Variants in COL8A1 observed in about 807,000 individuals in gnomAD.
COL8A1 encodes the protein collagen type VIII alpha 1 chain.
COL8A1 carries 21 observed loss-of-function variants against 42.7 expected under a neutral mutation model. The observed-to-expected ratio is 0.49, with a 90% confidence interval of 0.35 to 0.71. COL8A1 has a LOEUF of 0.71. COL8A1 is among the 30% of genes least tolerant of loss of function. The pLI, the probability that COL8A1 is intolerant of heterozygous loss-of-function variation, is 0.01. For synonymous variants in COL8A1, 367 were observed against 369.1 expected, an observed-to-expected ratio of 0.99 and a Z score of 0.06; for missense variants, 788 against 962.4, an observed-to-expected ratio of 0.82 and a Z score of 2.40.
In COL8A1 at chr3:99,794,958, C is replaced by T. The variant is rs1159741289; in HGVS notation, c.1057C>T (p.Pro353Ser). The T allele has an allele frequency of 1.6e-5, 25 of 1,595,654 alleles. No homozygotes were observed. The East Asian group carries it at 5.4e-4, about 34-fold the overall frequency. The stretch of plus-strand genomic sequence containing the variant: ...CCCAGGCCTTCCAGGGATTGGGAAA[C>T]CAGGCTTCCCAGGACCCAAAGGTGA... Reference protein sequence around the residue: ...GPPGLPGIGKPGFPGPKGDRG... With the variant: ...GPPGLPGIGKSGFPGPKGDRG... The change falls in exon 4 of 4, where the codon CCA (proline) becomes TCA (serine). Residue 353 changes from proline to serine, a missense_variant. By Grantham distance (74) the Pro-to-Ser change is moderately conservative. Around this residue, in one of 4 missense-constraint regions of COL8A1, gnomAD observed 421 missense variants for 553.1 expected, o/e 0.76. Coordinates refer to ENST00000652472, the MANE Select transcript of COL8A1 (RefSeq NM_020351.4). The surrounding 1 kb of genome is among the most constrained non-coding windows in gnomAD (Gnocchi z 4.3).
Position 99,795,197 on chromosome 3 carries a change from G to T in COL8A1, c.1296G>T (p.Gly432=). The change falls in exon 4 of 4, where the codon GGG becomes GGT. Residue 432 remains glycine (G), a synonymous_variant. Coordinates refer to ENST00000652472, the MANE Select transcript of COL8A1 (RefSeq NM_020351.4). The part of the protein sequence containing the change: ...QGPPGPKGEP[G]LQGFPGKPGF... ...CACCAGGTCCCAAGGGTGAGCCAGG[G>T]CTTCAAGGCTTCCCAGGAAAGCCAG... The T allele has an allele frequency of 2.5e-6, 4 of 1,613,716 alleles. No homozygotes were observed. Among genetic ancestry groups the T allele is most frequent in the Non-Finnish European group, 3.4e-6 (4 of 1,179,812 alleles).
intron 1 of COL8A1, among the ~76,000 whole-genome samples, chr3:99,647,993 A>G (rs1395148835): frequency 6.6e-6 from 1 of 152,194 alleles, no homozygotes; most frequent in African/African-American, 2.4e-5. Context: ...CTTTCAGAAA[A>G]TAAGTAGCTC....
At chr3:99,781,321 G>A (rs1941789829) in intron 2 of COL8A1, among the ~76,000 whole-genome samples, 1 of 152,084 alleles carries the variant, frequency 6.6e-6, no homozygotes, top group African/African-American at 2.4e-5. Context: ...TGAGGGGGTA[G>A]GAGGAACCAA....
intron 1 of COL8A1, among the ~76,000 whole-genome samples, chr3:99,735,441 G>A (rs1940674672): frequency 1.6e-5 from 1 of 63,790 alleles, no homozygotes; most frequent in Non-Finnish European, 2.9e-5. Flanking sequence ...CTGTTTATAT[G>A]CTGGATTACA....
At chr3:99,685,335 T>C (rs1198857771) in intron 1 of COL8A1, 1 of 152,226 alleles carries the variant, frequency 6.6e-6, no homozygotes, top group Non-Finnish European at 1.5e-5. Context: ...CTTTTAATTT[T>C]CTATGTAGAA....
At chr3:99,698,329 C>A (rs1020562605) in intron 1 of COL8A1, among the ~76,000 whole-genome samples, 4 of 152,148 alleles carry the variant, frequency 2.6e-5, no homozygotes, top group African/African-American at 9.7e-5. Context: ...TGGGTATATA[C>A]CCAGTAATGG....
intron 1 of COL8A1, among the ~76,000 whole-genome samples, chr3:99,729,216 C>T (rs908191124): frequency 1.3e-5 from 2 of 152,014 alleles, no homozygotes; most frequent in African/African-American, 4.8e-5. Context: ...TAGCTTCCAA[C>T]TATGGAAGCT....
intron 2 of COL8A1, among the ~76,000 whole-genome samples, chr3:99,782,828 A>C (rs1941819960): frequency 6.6e-6 from 1 of 152,230 alleles, no homozygotes; most frequent in Non-Finnish European, 1.5e-5. Context: ...GCCTAGTCAG[A>C]ATAGGTGACT....
intron 2 of COL8A1, among the ~76,000 whole-genome samples, chr3:99,753,380 A>T (rs182714980): frequency 6.6e-6 from 1 of 152,334 alleles, no homozygotes; most frequent in Admixed American, 6.5e-5. Flanking sequence ...CATCACAAGG[A>T]CTAGGTGCCT....
intron 1 of COL8A1, among the ~76,000 whole-genome samples, chr3:99,663,309 G>C (rs1159803081): frequency 1.3e-5 from 2 of 152,032 alleles, no homozygotes; most frequent in African/African-American, 4.8e-5. Context: ...GAAACTACAG[G>C]TGCAGGCCAC....
At chr3:99,708,004 A>G (rs1316726176) in intron 1 of COL8A1, among the ~76,000 whole-genome samples, 1 of 152,132 alleles carries the variant, frequency 6.6e-6, no homozygotes, top group Non-Finnish European at 1.5e-5. Context: ...TTGACCTAAA[A>G]GTCTTACTCC....
At chr3:99,722,776 A>T (rs1940192678) in intron 1 of COL8A1, among the ~76,000 whole-genome samples, 1 of 152,264 alleles carries the variant, frequency 6.6e-6, no homozygotes, top group African/African-American at 2.4e-5. Flanking sequence ...GACCATCACT[A>T]TCTTGAGACT....
chr3:99,675,973 G>T (rs1173663138), intron 1 of COL8A1, among the ~76,000 whole-genome samples: 1 of 152,026 alleles, frequency 6.6e-6, no homozygotes, highest in Non-Finnish European at 1.5e-5. Context: ...TTAAAAGAAT[G>T]AATAATCATA....
At chr3:99,690,083 T>C (rs1036252769) in intron 1 of COL8A1, among the ~76,000 whole-genome samples, 3 of 152,228 alleles carry the variant, frequency 2.0e-5, no homozygotes, top group African/African-American at 7.2e-5. Context: ...CAAAGCAAAC[T>C]GAGAAATTAG....
At chr3:99,698,367 T>A (rs978990280) in intron 1 of COL8A1, among the ~76,000 whole-genome samples, 2 of 152,222 alleles carry the variant, frequency 1.3e-5, no homozygotes, top group Admixed American at 6.5e-5. Flanking sequence ...GTATTTCTAG[T>A]TCTAGATCCT....
chr3:99,689,120 T>C (rs1311662981), intron 1 of COL8A1, among the ~76,000 whole-genome samples: 2 of 152,250 alleles, frequency 1.3e-5, no homozygotes, highest in Non-Finnish European at 2.9e-5. Context: ...TATTAATTAA[T>C]GACTAATTTA....
Position 99,794,716 on chromosome 3 carries a change from G to A in COL8A1, c.815G>A (p.Gly272Asp). The change falls in exon 4 of 4, where the codon GGC becomes GAC. Residue 272 changes from glycine to aspartate, a missense_variant. Transcript: ENST00000652472. This position sits in a 1 kb window ranked among gnomAD's most constrained non-coding sequence, Gnocchi z 4.3. ...GGCCCTGTTGGACTGCCAGGAGTGGGCAAACCAGGAGTGACAGGCTTCCCT... is the reference window on the plus strand; with the variant it reads ...GGCCCTGTTGGACTGCCAGGAGTGGACAAACCAGGAGTGACAGGCTTCCCT... ...PPGPVGLPGV[G>D]KPGVTGFPGP... is the part of the protein sequence containing the mutation. 6.2e-7 allele frequency: 1 copy of A among 1,611,062 alleles called. No homozygotes were observed. Among genetic ancestry groups the A allele is most frequent in the Non-Finnish European group, 8.5e-7 (1 of 1,178,886 alleles).
At chr3:99,716,863 C>T (rs950592242) in intron 1 of COL8A1, among the ~76,000 whole-genome samples, 9 of 151,998 alleles carry the variant, frequency 5.9e-5, no homozygotes, top group African/African-American at 2.2e-4. Context: ...CGTTTAAATT[C>T]CAGCCATGGC....
rs530154489 is a variant in COL8A1 at position 99,732,206 on chromosome 3, C to A, written c.-128-12691C>A. Among the ~76,000 whole-genome samples, 3 of 152,202 alleles carry A rather than the reference C, an allele frequency of 2.0e-5. No homozygotes were observed. In the East Asian group the frequency reaches 5.8e-4, roughly 29 times the overall value. The stretch of plus-strand genomic sequence containing the variant: ...ATACATAAATTCTTTTAATCATCAC[C>A]ATATTCAATGGAATAGGTACTCAGC... On this transcript the variant is annotated intron_variant, in intron 1 of 3. Coordinates refer to ENST00000652472, the MANE Select transcript of COL8A1 (RefSeq NM_020351.4).
Sources: gnomAD v4.1 joint callset for allele counts (sites outside exome capture counted in the v4.1 genomes callset) on GRCh38, gnomAD v4.1.1 for gene constraint, gnomAD v4.1.1 regional missense constraint, Gnocchi (gnomAD v3.1) non-coding constraint, MANE v1.5 for transcripts, NCBI Gene and HGNC (gene_info 2026-07-23, HGNC 2026-07-21) for gene names.